Variants in SHTN1 observed in about 807,000 individuals in gnomAD.
SHTN1 encodes the protein shootin 1, also known as shootin-1.
SHTN1 carries 42 observed loss-of-function variants against 83.1 expected under a neutral mutation model. The observed-to-expected ratio is 0.51, with a 90% CI of 0.39 to 0.65. SHTN1 has a LOEUF of 0.65. Ranked by LOEUF, SHTN1 falls within the 30% of genes least tolerant of loss-of-function variation. SHTN1 has a pLI of 0.00. For missense variants in SHTN1, 622 were observed against 737.8 expected (o/e 0.84, Z 1.82); for synonymous variants, 224 against 247.7 (o/e 0.90, Z 0.90).
chr10:117,083,782 C>A (rs1250971502), intron 1 of SHTN1, among the ~76,000 whole-genome samples: 4 of 152,100 alleles, frequency 2.6e-5, no homozygotes, highest in Non-Finnish European at 5.9e-5. Flanking sequence ...TCATTTCATT[C>A]ATTTCATTCA....
chr10:116,945,793 A>C (rs927585028), intron 7 of SHTN1, among the ~76,000 whole-genome samples: 1 of 152,220 alleles, frequency 6.6e-6, no homozygotes, highest in Non-Finnish European at 1.5e-5. Context: ...TTATAACAGC[A>C]TGACTCAGAA....
upstream of SHTN1, chr10:117,005,233 G>T (rs1364315928): frequency 1.3e-6 from 2 of 1,493,524 alleles, no homozygotes; most frequent in Admixed American, 4.2e-5. Context: ...CGCGGAGCGC[G>T]CGAGTGAGAT....
intron 1 of SHTN1, among the ~76,000 whole-genome samples, chr10:117,074,231 T>C (rs1853123831): frequency 6.6e-6 from 1 of 152,204 alleles, no homozygotes; most frequent in South Asian, 2.1e-4. Context: ...GCTTTTGAGC[T>C]AACGGTGTCA....
intron 1 of SHTN1, among the ~76,000 whole-genome samples, chr10:116,987,465 T>C (rs1851257983): frequency 1.3e-5 from 2 of 152,114 alleles, no homozygotes; most frequent in Non-Finnish European, 2.9e-5. Flanking sequence ...TAAGAATTAG[T>C]TGGTGCTAAG....
chr10:117,000,685 C>A (rs995458497), intron 1 of SHTN1, among the ~76,000 whole-genome samples: 3 of 152,208 alleles, frequency 2.0e-5, no homozygotes, highest in African/African-American at 7.2e-5. Flanking sequence ...GCCCGGTCAG[C>A]ATCCTCATGG....
intron 1 of SHTN1, among the ~76,000 whole-genome samples, chr10:117,096,117 T>G (rs1017493636): frequency 6.6e-6 from 1 of 152,216 alleles, no homozygotes; most frequent in Admixed American, 6.5e-5. Context: ...TCTTTGTTGA[T>G]TCTAGTATTC....
Position 117,073,329 on chromosome 10 carries a change from A to T in SHTN1, c.-188-24819T>A, listed in dbSNP as rs183414355. Among the ~76,000 whole-genome samples, 500 of 152,362 alleles carry T rather than the reference A, an allele frequency of 3.3e-3. 2 individuals are homozygous for T. Among genetic ancestry groups the T allele is most frequent in the African/African-American group, 0.011 (446 of 41,586 alleles). On this transcript the variant is annotated intron_variant, in intron 1 of 17. Coordinates refer to the SHTN1 transcript ENST00000392901. Reference sequence around the variant, plus strand: ...AACGGCAAGCATTTATTAATTGCTTACTAGGCAGCAGGCACTGTACTACTT... The same window carrying T: ...AACGGCAAGCATTTATTAATTGCTTTCTAGGCAGCAGGCACTGTACTACTT...
chr10:117,117,876 T>C (rs1464874447), intron 1 of SHTN1, among the ~76,000 whole-genome samples: 5 of 152,144 alleles, frequency 3.3e-5, no homozygotes, highest in African/African-American at 9.7e-5. Context: ...TCTCTCACCA[T>C]ACACAAAAAT....
At chr10:116,961,309 C>T (rs575218790) in intron 3 of SHTN1, among the ~76,000 whole-genome samples, 107 of 152,210 alleles carry the variant, frequency 7.0e-4, no homozygotes, top group African/African-American at 2.4e-3. Flanking sequence ...CTTCCTAAGT[C>T]TGTCCAAAGT....
At chr10:116,921,144 C>T (rs1348755124) in intron 12 of SHTN1, among the ~76,000 whole-genome samples, 1 of 152,084 alleles carries the variant, frequency 6.6e-6, no homozygotes, top group Non-Finnish European at 1.5e-5. Flanking sequence ...GCCCCAAATC[C>T]CTCATTTGGA....
chr10:117,052,825 C>T (rs1462951724), intron 1 of SHTN1, among the ~76,000 whole-genome samples: 1 of 151,152 alleles, frequency 6.6e-6, no homozygotes, highest in African/African-American at 2.4e-5. Flanking sequence ...CGAGACCATC[C>T]TGGCTAACAT....
In SHTN1 at chr10:116,930,015, TA is replaced by T. The variant is rs576892154; in HGVS notation, c.859-14del. Reference sequence around the variant, plus strand: ...CTAATTCTTTGACCTATAAGTTATTTAAAAAAAAAAGACTTTTATGGCTGAC... The same window carrying T: ...CTAATTCTTTGACCTATAAGTTATTTAAAAAAAAAGACTTTTATGGCTGAC... On this transcript the variant is annotated splice_polypyrimidine_tract_variant and intron_variant, in intron 9 of 16. Coordinates refer to ENST00000355371, the MANE Select transcript of SHTN1 (RefSeq NM_001127211.3). 3.5e-3 allele frequency: 4,773 copies of T among 1,356,136 alleles called. No homozygotes were observed. The highest frequency in any genetic ancestry group is 7.1e-3 in the South Asian group (473 of 66,270). 84.0% of individuals were successfully genotyped at this position (1,356,136 alleles called of 1,614,324 possible). A position where few individuals can be genotyped will look rare whatever the true frequency, so the allele number is the denominator to read the frequency against.
intron 16 of SHTN1, chr10:116,900,635 A>T: frequency 6.6e-7 from 1 of 1,518,684 alleles, no homozygotes; most frequent in Non-Finnish European, 8.8e-7. Flanking sequence ...TTGTGTCTGG[A>T]TATTGGTTCA....
chr10:116,965,603 C>T (rs1179372663), intron 3 of SHTN1, among the ~76,000 whole-genome samples: 1 of 152,162 alleles, frequency 6.6e-6, no homozygotes, highest in Non-Finnish European at 1.5e-5. Flanking sequence ...CATCACTATC[C>T]AAATGTGGAG....
At chr10:116,998,905 C>T (rs147718656) in intron 1 of SHTN1, among the ~76,000 whole-genome samples, 1 of 152,102 alleles carries the variant, frequency 6.6e-6, no homozygotes, top group Non-Finnish European at 1.5e-5. Context: ...TATGTATATA[C>T]CAACATATAT....
At chr10:116,979,437 A>T (rs1850937737) in intron 1 of SHTN1, 129 bp from the exon 2 acceptor site, 1 of 719,984 alleles carries the variant, frequency 1.4e-6, no homozygotes. Flanking sequence ...GCTGCAGAAA[A>T]GGGGCTTCTG....
At chr10:117,060,061 T>C (rs1344123886) in intron 1 of SHTN1, among the ~76,000 whole-genome samples, 1 of 151,892 alleles carries the variant, frequency 6.6e-6, no homozygotes, top group Non-Finnish European at 1.5e-5. Flanking sequence ...AAATTTTTTT[T>C]AATTAGCCAG....
At chr10:117,024,416 G>A (rs1415914880) in intron 2 of SHTN1, among the ~76,000 whole-genome samples, 16 of 145,894 alleles carry the variant, frequency 1.1e-4, no homozygotes, top group South Asian at 1.1e-3. Context: ...GTGCAGTGGC[G>A]CAGTCTCGGC....
At chr10:117,013,113 T>G (rs898820453) in intron 2 of SHTN1, among the ~76,000 whole-genome samples, 2 of 152,060 alleles carry the variant, frequency 1.3e-5, no homozygotes, top group Admixed American at 1.3e-4. Flanking sequence ...TTAAAATAAG[T>G]CAAAAGTAAA....
Sources: allele counts gnomAD v4.1 joint callset (sites outside exome capture counted in the v4.1 genomes callset), GRCh38; gene constraint gnomAD v4.1.1; transcripts MANE v1.5; gene names NCBI Gene and HGNC (gene_info 2026-07-23, HGNC 2026-07-21).